SPATA2L: variants seen among roughly 807,000 people sequenced by gnomAD.
SPATA2L encodes spermatogenesis-associated protein 2-like protein.
A neutral mutation model predicts 8.7 loss-of-function variants in SPATA2L; 5 were observed. The ratio of observed to expected loss-of-function variants is 0.57; its 90% CI spans 0.30 to 1.21. SPATA2L has a LOEUF of 1.21. Ranked by LOEUF, SPATA2L falls within the 50% of genes most tolerant of loss-of-function variation. The pLI, the probability that SPATA2L is intolerant of heterozygous loss-of-function variation, is 0.07. For missense variants in SPATA2L, 671 were observed against 591.0 expected, an observed-to-expected ratio of 1.14 and a Z score of -1.40; for synonymous variants, 358 against 275.8, an observed-to-expected ratio of 1.30 and a Z score of -2.95.
chr16:89,699,404 A>G (rs536918977), intron 2 of SPATA2L, among the ~76,000 whole-genome samples: 2 of 152,160 alleles, frequency 1.3e-5, no homozygotes, highest in African/African-American at 2.4e-5. Context: ...TTTCCACTAC[A>G]GTCTTGCAGA....
At chr16:89,700,785 T>C in intron 2 of SPATA2L, 145 bp downstream of exon 2, 1 of 926,520 alleles carries the variant, frequency 1.1e-6, no homozygotes, top group Non-Finnish European at 1.5e-6. Flanking sequence ...CCACGACCCC[T>C]CAGCGCTCGG....
chr16:89,700,060 C>G (rs550801287), intron 2 of SPATA2L, among the ~76,000 whole-genome samples: 1 of 152,228 alleles, frequency 6.6e-6, no homozygotes, highest in African/African-American at 2.4e-5. Context: ...GGACTGTTCC[C>G]GTGTCGCTGT....
Position 89,697,765 on chromosome 16 carries a change from C to A in SPATA2L, c.844G>T (p.Ala282Ser), listed in dbSNP as rs2060744247. ...GTGGRAWEPP[A>S]EELPQASSPP... ...CTGCTGGCCTGCGGCAGCTCCTCAG[C>A]TGGGGGCTCCCAGGCCCGGCCCCCA... Residue 282 changes from alanine (A) to serine (S), a missense_variant, in exon 3 of 3, where the codon GCT becomes TCT. Physicochemically the swap from Ala to Ser is moderately conservative, Grantham distance 99. Coordinates refer to ENST00000289805, the MANE Select transcript of SPATA2L (RefSeq NM_152339.4). The A allele has an allele frequency of 6.2e-7, 1 of 1,602,102 alleles. No individual in the cohort carries two copies. The highest frequency in any genetic ancestry group is 8.5e-7 in the Non-Finnish European group (1 of 1,175,250).
chr16:89,697,135 G>T lies in SPATA2L; in HGVS notation c.*199C>A. On this transcript the variant is annotated 3_prime_UTR_variant, in exon 3 of 3. Coordinates refer to ENST00000289805, the MANE Select transcript of SPATA2L (RefSeq NM_152339.4). ...AATGTGGAAAGGCTCCTGCTGGCCG[G>T]CTTAGGCCTGCTGCCCTTGGAGCCT... 7.3e-7 allele frequency: 1 copy of T among 1,376,644 alleles called. No individual in the cohort carries two copies. Among genetic ancestry groups the T allele is most frequent in the Non-Finnish European group, 9.4e-7 (1 of 1,067,438 alleles). 85.3% of individuals were successfully genotyped at this position (1,376,644 alleles called of 1,614,324 possible). A position where few individuals can be genotyped will look rare whatever the true frequency, so the allele number is the denominator to read the frequency against.
rs780462408 is a variant in SPATA2L, at chr16:89,697,398, C to T, written c.1211G>A (p.Arg404His). The change falls in exon 3 of 3, where the codon CGC becomes CAC. Residue 404 changes from arginine to histidine, a missense_variant. Physicochemically the swap from Arg to His is conservative, Grantham distance 29. Coordinates refer to ENST00000289805, the MANE Select transcript of SPATA2L (RefSeq NM_152339.4). ...LRVLLGDAQR[R>H]LWLQRAQMDT... ...CATCTGTGCACGCTGTAGCCACAAGCGCCGCTGGGCGTCGCCAAGCAGCAC... is the reference window on the plus strand; with the variant it reads ...CATCTGTGCACGCTGTAGCCACAAGTGCCGCTGGGCGTCGCCAAGCAGCAC... The T allele has an allele frequency of 2.9e-5, 46 of 1,596,388 alleles. No individual in the cohort carries two copies. Among genetic ancestry groups the T allele is most frequent in the Non-Finnish European group, 3.8e-5 (44 of 1,171,038 alleles).
intron 2 of SPATA2L, among the ~76,000 whole-genome samples, chr16:89,700,065 C>T (rs570162000): frequency 6.6e-6 from 1 of 152,352 alleles, no homozygotes; most frequent in South Asian, 2.1e-4. Context: ...GTTCCCGTGT[C>T]GCTGTCTCAG....
chr16:89,696,771 C>A lies in SPATA2L; in HGVS notation c.*563G>T. The A allele has an allele frequency of 2.0e-6, 3 of 1,531,914 alleles. No individual in the cohort carries two copies. The highest frequency in any genetic ancestry group is 2.4e-5 in the South Asian group (2 of 83,420). The allele number at this position is 1,531,914 out of a possible 1,614,324, so 94.9% of individuals were successfully genotyped here. On this transcript the variant is annotated 3_prime_UTR_variant, in exon 3 of 3. Transcript: ENST00000289805. ...GGTCAGGTCATTTCCTGTCTGTGGG[C>A]CCAGCTGCTGTGACACCCAAGGGGA...
rs1167560964 is a variant in SPATA2L, at chr16:89,698,028, G to A, written c.581C>T (p.Ser194Phe). The change falls in exon 3 of 3, where the codon TCC becomes TTC. Residue 194 changes from serine (S) to phenylalanine (F), a missense_variant. Ser to Phe is a radical substitution (Grantham distance 155). Transcript: ENST00000289805. Reference protein sequence around the residue: ...QARRASGDVASCVAWLQQRLA... With the variant: ...QARRASGDVAFCVAWLQQRLA... ...CCGCTGCTGCAGCCAGGCCACACAG[G>A]AGGCCACGTCCCCGCTGGCACGCCG... 2 of 1,599,346 alleles carry A rather than the reference G, an allele frequency of 1.3e-6. No homozygotes were observed. The highest frequency in any genetic ancestry group is 2.2e-5 in the South Asian group (2 of 90,792).
Position 89,697,669 on chromosome 16 carries a change from G to C in SPATA2L, c.940C>G (p.Arg314Gly). Reference protein sequence around the residue: ...PSAFSFLSLRRELSRPGDLAT... With the variant: ...PSAFSFLSLRGELSRPGDLAT... ...AGGTCCCCAGGCCTACTCAGCTCAC[G>C]GCGCAGAGAGAGGAAGGAGAAGGCG... Residue 314 changes from arginine to glycine, a missense_variant, in exon 3 of 3, where the codon CGT becomes GGT. By Grantham distance (125) the Arg-to-Gly change is moderately radical. Transcript: ENST00000289805. 1 of 1,610,916 alleles carries C rather than the reference G, an allele frequency of 6.2e-7. No individual in the cohort carries two copies. The highest frequency in any genetic ancestry group is 8.5e-7 in the Non-Finnish European group (1 of 1,179,820).
chr16:89,700,506 C>A (rs2060769008), intron 2 of SPATA2L, among the ~76,000 whole-genome samples: 1 of 152,350 alleles, frequency 6.6e-6, no homozygotes, highest in South Asian at 2.1e-4. Flanking sequence ...CCTGAGACTT[C>A]ACAGGGATGC....
chr16:89,698,589 A>T (rs2060754207), intron 2 of SPATA2L, among the ~76,000 whole-genome samples: 1 of 145,538 alleles, frequency 6.9e-6, no homozygotes, highest in Admixed American at 7.2e-5. Context: ...AGGTTCAAGC[A>T]AGTTCCCCTG....
chr16:89,700,812 C>G (rs2060770843), intron 2 of SPATA2L, 118 bp downstream of exon 2: 2 of 1,166,638 alleles, frequency 1.7e-6, no homozygotes, highest in Non-Finnish European at 2.3e-6. Flanking sequence ...GAGGAGCCCA[C>G]CAGGCACTGA....
At position 89,701,143 on chromosome 16, in the gene SPATA2L, C is replaced by T. The variant is rs1335901217; in HGVS notation, c.90G>A (p.Ser30=). 6.6e-7 allele frequency: 1 copy of T among 1,522,672 alleles called. No individual in the cohort carries two copies. The allele number at this position is 1,522,672 out of a possible 1,614,324, so 94.3% of individuals were successfully genotyped here. A position where few individuals can be genotyped will look rare whatever the true frequency, so the allele number is the denominator to read the frequency against. The part of the protein sequence containing the change: ...RGRAGVCGDP[S]LRAVLWQILV... ...GGATCTGCCAGAGCACCGCGCGCAG[C>T]GAGGGGTCCCCGCACACGCCCGCGC... Residue 30 remains serine, a synonymous_variant, in exon 2 of 3, where the codon TCG becomes TCA. Coordinates refer to ENST00000289805, the MANE Select transcript of SPATA2L (RefSeq NM_152339.4).
chr16:89,698,419 C>T (rs2060752358), intron 2 of SPATA2L, 114 bp from the exon 3 acceptor site: 3 of 1,200,116 alleles, frequency 2.5e-6, no homozygotes, highest in Non-Finnish European at 3.4e-6. Context: ...ATGCTCAGAC[C>T]CAACCCCAGA....
At chr16:89,701,347 C>T in intron 1 of SPATA2L, 114 bp from the exon 2 acceptor site, 2 of 1,125,114 alleles carry the variant, frequency 1.8e-6, no homozygotes, top group Non-Finnish European at 2.3e-6. Flanking sequence ...GGAGACCCCG[C>T]CCCCAGCGGC....
rs772782961 is a variant in SPATA2L, at chr16:89,697,134, G to A, written c.*200C>T. ...AAATGTGGAAAGGCTCCTGCTGGCC[G>A]GCTTAGGCCTGCTGCCCTTGGAGCC... On this transcript the variant is annotated 3_prime_UTR_variant, in exon 3 of 3. Transcript: ENST00000289805. 76 of 1,372,356 alleles carry A rather than the reference G, an allele frequency of 5.5e-5. No individual in the cohort carries two copies. Among genetic ancestry groups the A allele is most frequent in the Non-Finnish European group, 5.5e-5 (59 of 1,065,228 alleles). 85.0% of individuals were successfully genotyped at this position (1,372,356 alleles called of 1,614,324 possible).
chr16:89,700,915 T>C lies in SPATA2L; in HGVS notation c.303+15A>G. On this transcript the variant is annotated intron_variant, in intron 2 of 2. Transcript: ENST00000289805. Reference sequence around the variant, plus strand: ...GCCAGGACGAGGGGCGCGCTCCTCCTGGCCTGGCGCCTACCTTGATGGTGG... The same window carrying C: ...GCCAGGACGAGGGGCGCGCTCCTCCCGGCCTGGCGCCTACCTTGATGGTGG... 7.0e-7 allele frequency: 1 copy of C among 1,433,318 alleles called. No individual in the cohort carries two copies. Among genetic ancestry groups the C allele is most frequent in the Non-Finnish European group, 9.2e-7 (1 of 1,089,466 alleles). The allele number at this position is 1,433,318 out of a possible 1,614,324, so 88.8% of individuals were successfully genotyped here.
intron 2 of SPATA2L, 67 bp from the exon 3 acceptor site, chr16:89,698,372 G>A: frequency 6.7e-7 from 1 of 1,486,160 alleles, no homozygotes; most frequent in South Asian, 1.5e-5. Context: ...GGTACAGTGG[G>A]TCCGGGATCT....
Position 89,696,791 on chromosome 16 carries a change from A to C in SPATA2L, c.*543T>G. On this transcript the variant is annotated 3_prime_UTR_variant, in exon 3 of 3. Coordinates refer to ENST00000289805, the MANE Select transcript of SPATA2L (RefSeq NM_152339.4). ...GTGGGCCCAGCTGCTGTGACACCCA[A>C]GGGGAGGGCCGGCGTCCCCGAAGCC... is the stretch of plus-strand genomic sequence containing the variant. 1 of 1,533,750 alleles carries C rather than the reference A, an allele frequency of 6.5e-7. No homozygotes were observed. The highest frequency in any genetic ancestry group is 1.4e-5 in the African/African-American group (1 of 73,072).
Sources: gnomAD v4.1 joint callset for allele counts (sites outside exome capture counted in the v4.1 genomes callset) on GRCh38, gnomAD v4.1.1 for gene constraint, MANE v1.5 for transcripts, NCBI Gene and HGNC (gene_info 2026-07-23, HGNC 2026-07-21) for gene names.